GRIK4: variants seen among roughly 807,000 people sequenced by gnomAD.
The protein encoded by GRIK4 is glutamate ionotropic receptor kainate type subunit 4, also known as glutamate receptor ionotropic, kainate 4.
Under a neutral mutation model 104.9 loss-of-function variants are expected in GRIK4, and 40 were observed. The observed-to-expected ratio is 0.38, with a 90% CI of 0.30 to 0.50. GRIK4 has a LOEUF of 0.50. Among genes scored for constraint, GRIK4 ranks in the 20% least tolerant of loss-of-function variants. The probability of loss-of-function intolerance (pLI) is 0.93; values close to 1 mark genes in which losing one functional copy is unlikely to be tolerated. For synonymous variants in GRIK4, 485 were observed against 524.9 expected (o/e 0.92, Z 1.04); for missense variants, 1,047 against 1,308.1 (o/e 0.80, Z 3.08).
intron 3 of GRIK4, among the ~76,000 whole-genome samples, chr11:120,714,712 A>G (rs1950797065): frequency 6.6e-6 from 1 of 152,220 alleles, no homozygotes; most frequent in Non-Finnish European, 1.5e-5. Context: ...ATGTTACTCT[A>G]GATGAAGGGG....
intron 1 of GRIK4, among the ~76,000 whole-genome samples, chr11:120,517,803 C>T (rs75390534): frequency 0.058 from 8,835 of 151,990 alleles, 319 homozygotes; most frequent in East Asian, 0.092. Flanking sequence ...ACAGAGGAGT[C>T]GTAGTGGTGG....
At chr11:120,712,516 G>T (rs1016631677) in intron 3 of GRIK4, among the ~76,000 whole-genome samples, 1 of 151,922 alleles carries the variant, frequency 6.6e-6, no homozygotes. Flanking sequence ...GACCACGCAC[G>T]GTGGCACATG....
chr11:120,893,924 G>A (rs989272532), intron 11 of GRIK4, among the ~76,000 whole-genome samples: 8 of 152,190 alleles, frequency 5.3e-5, no homozygotes, highest in Non-Finnish European at 1.2e-4. Flanking sequence ...CTTTTTGCTC[G>A]GCTCTAGAAT....
At chr11:120,755,482 C>T (rs1014340828) in intron 3 of GRIK4, among the ~76,000 whole-genome samples, 2 of 151,922 alleles carry the variant, frequency 1.3e-5, no homozygotes, top group African/African-American at 4.8e-5. Context: ...GTCATGGCAG[C>T]ACTTAGTCTT....
chr11:120,542,166 A>G (rs2136088639), intron 1 of GRIK4, among the ~76,000 whole-genome samples: 1 of 152,372 alleles, frequency 6.6e-6, no homozygotes, highest in South Asian at 2.1e-4. Context: ...TATGTGGTCA[A>G]CTAATCTTCA....
intron 3 of GRIK4, among the ~76,000 whole-genome samples, chr11:120,661,151 C>T (rs745317299): frequency 6.6e-5 from 10 of 152,138 alleles, no homozygotes; most frequent in African/African-American, 2.4e-4. Context: ...GTCCGGCAGG[C>T]GCAGTGTGGT....
chr11:120,828,373 A>T (rs997727958), intron 6 of GRIK4, among the ~76,000 whole-genome samples: 1 of 152,182 alleles, frequency 6.6e-6, no homozygotes, highest in Non-Finnish European at 1.5e-5. Context: ...ATCCTGTAAG[A>T]GGTGGGAGAC....
At chr11:120,678,402 T>C (rs1208530260) in intron 3 of GRIK4, among the ~76,000 whole-genome samples, 6 of 152,158 alleles carry the variant, frequency 3.9e-5, no homozygotes. Context: ...GTCGCTTATT[T>C]ATTAGATTCC....
At chr11:120,957,700 A>G (rs944296158) in intron 16 of GRIK4, among the ~76,000 whole-genome samples, 1 of 151,450 alleles carries the variant, frequency 6.6e-6, no homozygotes, top group Non-Finnish European at 1.5e-5. Context: ...TTTGGCTGTC[A>G]TAGCATACAG....
intron 15 of GRIK4, among the ~76,000 whole-genome samples, chr11:120,955,440 A>C (rs1306158994): frequency 6.6e-6 from 1 of 152,246 alleles, no homozygotes; most frequent in East Asian, 1.9e-4. Flanking sequence ...AGCAGTGTGA[A>C]GATAACACCG....
At chr11:120,827,339 C>G (rs1448833199) in intron 6 of GRIK4, among the ~76,000 whole-genome samples, 1 of 152,206 alleles carries the variant, frequency 6.6e-6, no homozygotes, top group Non-Finnish European at 1.5e-5. Context: ...CCTTCTTCCT[C>G]CCAGAACAGC....
intron 1 of GRIK4, among the ~76,000 whole-genome samples, chr11:120,599,470 C>G (rs556180422): frequency 5.3e-5 from 8 of 152,234 alleles, no homozygotes; most frequent in African/African-American, 1.9e-4. Context: ...ACAGAGTTTC[C>G]GCCGTTATCT....
rs531860603 is a variant in GRIK4, at chr11:120,797,827, G to A, written c.83-4866G>A. Among the ~76,000 whole-genome samples the A allele has an allele frequency of 1.3e-3, 196 of 152,182 alleles. 1 individual carries two copies. The highest frequency in any genetic ancestry group is 0.011 in the Admixed American group (175 of 15,282). ...GGAAAGAGGAATGGGGTGAAGAGAG[G>A]ACCTCATCCTCCCCTTAATACAAGA... On this transcript the variant is annotated intron_variant, in intron 3 of 20. Coordinates refer to ENST00000527524, the MANE Select transcript of GRIK4 (RefSeq NM_014619.5).
intron 17 of GRIK4, 98 bp from the exon 18 acceptor site, chr11:120,962,358 A>G: frequency 1.4e-6 from 1 of 730,004 alleles, no homozygotes. Context: ...GAGAAGCAGA[A>G]GGGCCGGCAT....
At chr11:120,623,658 A>G (rs1344004592) in intron 1 of GRIK4, among the ~76,000 whole-genome samples, 1 of 152,240 alleles carries the variant, frequency 6.6e-6, no homozygotes, top group African/African-American at 2.4e-5. Flanking sequence ...GGACCTACTT[A>G]TGGGTTGTGA....
At chr11:120,865,018 C>T (rs948668790) in intron 9 of GRIK4, among the ~76,000 whole-genome samples, 6 of 152,204 alleles carry the variant, frequency 3.9e-5, no homozygotes, top group Admixed American at 1.3e-4. Context: ...ATTGTGAAGA[C>T]GGAATCAGAT....
At chr11:120,676,135 G>A (rs1004866508) in intron 3 of GRIK4, among the ~76,000 whole-genome samples, 12 of 152,150 alleles carry the variant, frequency 7.9e-5, no homozygotes, top group Non-Finnish European at 1.3e-4. Context: ...TCTAGAGGCC[G>A]CTGCATCCCC....
At chr11:120,571,915 T>A (rs1339493535) in intron 1 of GRIK4, among the ~76,000 whole-genome samples, 1 of 152,186 alleles carries the variant, frequency 6.6e-6, no homozygotes, top group African/African-American at 2.4e-5. Flanking sequence ...GCCCTGCTCA[T>A]GGTCCTTTGA....
intron 8 of GRIK4, among the ~76,000 whole-genome samples, chr11:120,851,911 G>A (rs1232658671): frequency 1.3e-5 from 2 of 152,220 alleles, no homozygotes; most frequent in Non-Finnish European, 2.9e-5. Flanking sequence ...GTGGGATGGT[G>A]GAGCTGGGGG....
Sources: allele counts gnomAD v4.1 joint callset (sites outside exome capture counted in the v4.1 genomes callset), GRCh38; gene constraint gnomAD v4.1.1; transcripts MANE v1.5; gene names NCBI Gene and HGNC (gene_info 2026-07-23, HGNC 2026-07-21).